RILPL1: variants seen among roughly 807,000 people sequenced by gnomAD.
The protein encoded by RILPL1 is RILP-like protein 1.
A neutral mutation model predicts 50.3 loss-of-function variants in RILPL1; 33 were observed. The ratio of observed to expected loss-of-function variants is 0.66; its 90% CI spans 0.50 to 0.88. RILPL1 has a LOEUF of 0.88. RILPL1 is among the 40% of genes least tolerant of loss of function. The pLI is 0.00. For synonymous variants in RILPL1, 205 were observed against 228.6 expected, an observed-to-expected ratio of 0.90 and a Z score of 0.93; for missense variants, 418 against 542.5, an observed-to-expected ratio of 0.77 and a Z score of 2.28.
At chr12:123,503,004 C>T (rs2139346089) in intron 2 of RILPL1, among the ~76,000 whole-genome samples, 1 of 151,744 alleles carries the variant, frequency 6.6e-6, no homozygotes, top group Non-Finnish European at 1.5e-5. Flanking sequence ...TCTCCTGCCT[C>T]AGCCTCCCAA....
At chr12:123,512,771 CTG>C (rs1329017426) in intron 2 of RILPL1, among the ~76,000 whole-genome samples, 8 of 83,930 alleles carry the variant, frequency 9.5e-5, no homozygotes, top group South Asian at 4.2e-4. Flanking sequence ...TGTGTGAGGT[CTG>C]TGTGTGGTGT....
intron 2 of RILPL1, among the ~76,000 whole-genome samples, chr12:123,516,125 G>A (rs916247785): frequency 1.3e-5 from 2 of 150,798 alleles, no homozygotes; most frequent in Admixed American, 6.6e-5. Context: ...TGTAGGAGCT[G>A]TAATCTGGGT....
chr12:123,472,792 A>T, intron 6 of RILPL1, 110 bp from the exon 7 acceptor site: 3 of 1,205,846 alleles, frequency 2.5e-6, no homozygotes, highest in Non-Finnish European at 3.5e-6. Flanking sequence ...GGAGCAAATC[A>T]ATTCAAGGTG....
chr12:123,490,900 G>A (rs1318266025), intron 4 of RILPL1, among the ~76,000 whole-genome samples: 4 of 152,020 alleles, frequency 2.6e-5, no homozygotes, highest in African/African-American at 7.2e-5. Context: ...ACAGGCATGC[G>A]CCACCATGCC....
chr12:123,476,695 C>T (rs1310100639), intron 6 of RILPL1, among the ~76,000 whole-genome samples: 2 of 152,054 alleles, frequency 1.3e-5, no homozygotes, highest in Non-Finnish European at 2.9e-5. Flanking sequence ...CCTTACAGTC[C>T]GAAGAAGGAG....
intron 1 of RILPL1, among the ~76,000 whole-genome samples, chr12:123,529,528 C>T (rs1885375657): frequency 6.6e-6 from 1 of 151,832 alleles, no homozygotes; most frequent in Non-Finnish European, 1.5e-5. Context: ...CCAGCTGCCT[C>T]GGCCTCCCAA....
In RILPL1 at chr12:123,522,825, C is replaced by T. The variant is rs973333021; in HGVS notation, c.460+670G>A. Among the ~76,000 whole-genome samples, 18 of 152,146 alleles carry T rather than the reference C, an allele frequency of 1.2e-4. No individual in the cohort carries two copies. Among genetic ancestry groups the T allele is most frequent in the Non-Finnish European group, 2.6e-4 (18 of 67,978 alleles). ...CCAGGCTGGTCTCAAACTCCTGGCTCCAAGTGATCTTCCTGCTTCAGCCTC... is the reference window on the plus strand; with the variant it reads ...CCAGGCTGGTCTCAAACTCCTGGCTTCAAGTGATCTTCCTGCTTCAGCCTC... On this transcript the variant is annotated intron_variant, in intron 2 of 6. Transcript: ENST00000376874. The surrounding 1 kb of genome is among the most constrained non-coding windows in gnomAD (Gnocchi z 4.0).
chr12:123,531,473 G>C lies in RILPL1; in HGVS notation c.309+1701C>G, dbSNP rs555010111. Among the ~76,000 whole-genome samples the C allele has an allele frequency of 4.6e-5, 7 of 152,276 alleles. No homozygotes were observed. In the South Asian group the frequency reaches 1.5e-3, roughly 32 times the overall value. On this transcript the variant is annotated intron_variant, in intron 1 of 6. Coordinates refer to ENST00000376874, the MANE Select transcript of RILPL1 (RefSeq NM_178314.5). ...AGCCCCTTGGTCCCTGTTAATAAGA[G>C]GCGCCACACGAGAGAATTTCCAAGG...
At chr12:123,479,505 G>A (rs1327716865) in intron 6 of RILPL1, among the ~76,000 whole-genome samples, 1 of 152,152 alleles carries the variant, frequency 6.6e-6, no homozygotes, top group African/African-American at 2.4e-5. Context: ...CTCAGAAACT[G>A]TCATTCCCTG....
At chr12:123,475,298 C>T (rs1052490532) in intron 6 of RILPL1, 3 of 228,154 alleles carry the variant, frequency 1.3e-5, no homozygotes, top group African/African-American at 4.4e-5. Context: ...TAGAAAGCTA[C>T]AGGGTGAACA....
At chr12:123,512,298 GGAGGTCTGTGT>G in intron 2 of RILPL1, among the ~76,000 whole-genome samples, 1 of 1,000 alleles carries the variant, frequency 1.0e-3, no homozygotes, top group South Asian at 0.05. Flanking sequence ...AGGTCTGTGT[GGAGGTCTGTGT>G]GTGGTGTCAA....
At chr12:123,505,578 C>G (rs1433881538) in intron 2 of RILPL1, among the ~76,000 whole-genome samples, 1 of 152,082 alleles carries the variant, frequency 6.6e-6, no homozygotes, top group Admixed American at 6.6e-5. Context: ...TGAGTCCCAC[C>G]AAGTGCTAGG....
chr12:123,503,026 T>A (rs1185594670), intron 2 of RILPL1, among the ~76,000 whole-genome samples: 3 of 151,604 alleles, frequency 2.0e-5, no homozygotes, highest in Non-Finnish European at 4.4e-5. Flanking sequence ...TAGCTGGGAC[T>A]ACAGGTCCCC....
intron 6 of RILPL1, chr12:123,473,683 C>G (rs1340819552): frequency 6.6e-6 from 1 of 152,062 alleles, no homozygotes; most frequent in East Asian, 1.9e-4. Context: ...TGGCCTCAGA[C>G]TTTAACTGAG....
At chr12:123,524,123 A>G (rs1885166913) in intron 1 of RILPL1, among the ~76,000 whole-genome samples, 1 of 152,198 alleles carries the variant, frequency 6.6e-6, no homozygotes, top group South Asian at 2.1e-4. Flanking sequence ...TGATCCAGGT[A>G]TCTCTCCATG....
chr12:123,480,062 T>C (rs1038955203), intron 6 of RILPL1, among the ~76,000 whole-genome samples: 1 of 151,912 alleles, frequency 6.6e-6, no homozygotes, highest in Non-Finnish European at 1.5e-5. Context: ...AACTCGGCTC[T>C]GGAAGGAATT....
At chr12:123,496,073 C>T (rs562262315) in intron 4 of RILPL1, among the ~76,000 whole-genome samples, 116 of 151,700 alleles carry the variant, frequency 7.6e-4, no homozygotes, top group African/African-American at 2.5e-3. Flanking sequence ...AGTGCAGTGG[C>T]GTGATCTCAG....
At position 123,504,285 on chromosome 12, in the gene RILPL1, C is replaced by T. The variant is rs1593571166; in HGVS notation, c.461-4749G>A. Among the ~76,000 whole-genome samples, 4 of 152,234 alleles carry T rather than the reference C, an allele frequency of 2.6e-5. No homozygotes were observed. The South Asian group carries it at 8.3e-4, about 32-fold the overall frequency. ...GATCTAATCCCATGAGGAGAAAGCA[C>T]AGAGGCAACCCCTCAGCTATTTCTT... On this transcript the variant is annotated intron_variant, in intron 2 of 6. Transcript: ENST00000376874.
chr12:123,533,614 C>CGCAGCGG lies in RILPL1; in HGVS notation c.-139_-133dup, dbSNP rs1204922985. 2.0e-4 allele frequency: 116 copies of CGCAGCGG among 581,882 alleles called. No homozygotes were observed. In the East Asian group the frequency reaches 5.5e-3, roughly 28 times the overall value. 36.0% of individuals were successfully genotyped at this position (581,882 alleles called of 1,614,324 possible). ...CGCTCAGCGGGCGCTGGGGCGAGGG[C>CGCAGCGG]GCAGCGGGCAGCGGGCGGCGGGCGC... On this transcript the variant is annotated 5_prime_UTR_variant, in exon 1 of 7. Coordinates refer to ENST00000376874, the MANE Select transcript of RILPL1 (RefSeq NM_178314.5). The surrounding 1 kb of genome is among the most constrained non-coding windows in gnomAD (Gnocchi z 6.2).
Sources: allele counts gnomAD v4.1 joint callset (sites outside exome capture counted in the v4.1 genomes callset), GRCh38; gene constraint gnomAD v4.1.1; non-coding constraint Gnocchi (gnomAD v3.1); transcripts MANE v1.5; gene names NCBI Gene and HGNC (gene_info 2026-07-23, HGNC 2026-07-21).